Variants in SMG6 observed in about 807,000 individuals in gnomAD.
The protein encoded by SMG6 is SMG6 nonsense mediated mRNA decay factor, also known as telomerase-binding protein EST1A.
Under a neutral mutation model 142.2 loss-of-function variants are expected in SMG6, and 66 were observed. That is an observed-to-expected ratio of 0.46 (90% CI 0.38 to 0.57). The LOEUF (loss-of-function observed/expected upper bound fraction) is 0.57. Among genes scored for constraint, SMG6 ranks in the 20% least tolerant of loss-of-function variants. The pLI, the probability that SMG6 is intolerant of heterozygous loss-of-function variation, is 0.00. For synonymous variants in SMG6, 779 were observed against 702.4 expected (o/e 1.11, Z -1.72); for missense variants, 1,793 against 1,832.0 (o/e 0.98, Z 0.39).
chr17:2,134,030 G>C (rs1438326672), intron 13 of SMG6, among the ~76,000 whole-genome samples: 1 of 152,026 alleles, frequency 6.6e-6, no homozygotes, highest in Non-Finnish European at 1.5e-5. Context: ...GATGTAAGAG[G>C]ATAAAACTGT....
At chr17:2,232,574 C>G (rs2073528484) in intron 10 of SMG6, 1 of 152,262 alleles carries the variant, frequency 6.6e-6, no homozygotes, top group African/African-American at 2.4e-5. Flanking sequence ...CCAAGGCCCT[C>G]AAACGTCCCT....
chr17:2,127,352 C>A, intron 13 of SMG6: 1 of 537,188 alleles, frequency 1.9e-6, no homozygotes, highest in Non-Finnish European at 3.6e-6. Flanking sequence ...GTACTTAATG[C>A]CACTGAGTTG....
At chr17:2,103,969 T>TC (rs1385321010) in intron 13 of SMG6, among the ~76,000 whole-genome samples, 40 of 151,572 alleles carry the variant, frequency 2.6e-4, no homozygotes, top group Non-Finnish European at 1.0e-4. Flanking sequence ...TTTTTTTTTT[T>TC]CAGTTGGAAT....
chr17:2,079,244 G>T (rs375273184), intron 15 of SMG6, among the ~76,000 whole-genome samples: 1 of 152,226 alleles, frequency 6.6e-6, no homozygotes, highest in Admixed American at 6.5e-5. Context: ...CATTATAGGC[G>T]TGAGCCACCG....
At chr17:2,082,212 A>G in intron 14 of SMG6, 1 of 494,574 alleles carries the variant, frequency 2.0e-6, no homozygotes, top group Non-Finnish European at 3.7e-6. Context: ...GTCACTCGCA[A>G]TCACACATAT....
chr17:2,222,589 G>T (rs2073208580), intron 10 of SMG6, among the ~76,000 whole-genome samples: 1 of 123,562 alleles, frequency 8.1e-6, no homozygotes, highest in Admixed American at 1.0e-4. Context: ...GTCCATATAT[G>T]AAGGCCTTGT....
At chr17:2,289,048 C>T (rs1369125756) in intron 6 of SMG6, among the ~76,000 whole-genome samples, 2 of 146,488 alleles carry the variant, frequency 1.4e-5, no homozygotes, top group South Asian at 2.2e-4. Context: ...CACTGCACTC[C>T]AGCCTGGGCA....
intron 10 of SMG6, among the ~76,000 whole-genome samples, chr17:2,202,028 GA>G (rs58808149): frequency 0.25 from 36,705 of 148,708 alleles, 4,576 homozygotes; most frequent in Middle Eastern, 0.31. Context: ...CATCTCAAAG[GA>G]AAAAAAAAAG....
intron 13 of SMG6, among the ~76,000 whole-genome samples, chr17:2,143,937 G>C (rs926157219): frequency 6.6e-6 from 1 of 151,742 alleles, no homozygotes; most frequent in African/African-American, 2.4e-5. Context: ...ATCAGTTTTG[G>C]CTGCAAGTGG....
chr17:2,073,064 G>A (rs1271310455), intron 15 of SMG6: 3 of 152,204 alleles, frequency 2.0e-5, no homozygotes, highest in Non-Finnish European at 4.4e-5. Flanking sequence ...GAGGACTACT[G>A]ATGTGTTTTT....
chr17:2,276,755 C>G (rs1567739773), intron 8 of SMG6, among the ~76,000 whole-genome samples: 4 of 152,202 alleles, frequency 2.6e-5, no homozygotes, highest in African/African-American at 9.6e-5. Flanking sequence ...TAACCCTTCC[C>G]AAGTCCACTT....
intron 13 of SMG6, chr17:2,087,373 T>C (rs750086953): frequency 6.7e-6 from 8 of 1,193,584 alleles, no homozygotes; most frequent in Non-Finnish European, 8.5e-6. Flanking sequence ...ACCGGTCAAC[T>C]GTGTGCTCTG....
intron 10 of SMG6, among the ~76,000 whole-genome samples, chr17:2,221,554 T>C (rs1177023300): frequency 1.3e-5 from 2 of 152,138 alleles, no homozygotes; most frequent in Non-Finnish European, 2.9e-5. Flanking sequence ...AATACAACAG[T>C]AGATACCAAA....
At chr17:2,099,576 G>A (rs2068949911) in intron 13 of SMG6, among the ~76,000 whole-genome samples, 1 of 152,058 alleles carries the variant, frequency 6.6e-6, no homozygotes, top group African/African-American at 2.4e-5. Flanking sequence ...TTTGGGCTGA[G>A]GTAGAAAGCC....
chr17:2,215,850 T>TGAG (rs966958547), intron 10 of SMG6: 2 of 47,746 alleles, frequency 4.2e-5, no homozygotes, highest in Non-Finnish European at 7.9e-5. Flanking sequence ...GGGAGGGGAG[T>TGAG]GAGGGTGGGT....
intron 13 of SMG6, among the ~76,000 whole-genome samples, chr17:2,106,461 C>T (rs1482356448): frequency 6.6e-6 from 1 of 152,112 alleles, no homozygotes; most frequent in Non-Finnish European, 1.5e-5. Context: ...TACTACCATT[C>T]CTCGGTGACC....
intron 13 of SMG6, among the ~76,000 whole-genome samples, chr17:2,093,455 T>C (rs1199660412): frequency 1.3e-5 from 2 of 151,852 alleles, no homozygotes; most frequent in East Asian, 1.9e-4. Context: ...GGAATACATA[T>C]CAAATACTTA....
intron 12 of SMG6, 90 bp downstream of exon 12, chr17:2,186,573 G>C: frequency 6.9e-7 from 1 of 1,459,418 alleles, no homozygotes; most frequent in South Asian, 1.3e-5. Flanking sequence ...GCTGTGGGCA[G>C]AAAGAAACAG....
chr17:2,189,367 C>T (rs1211264329), intron 10 of SMG6, among the ~76,000 whole-genome samples: 1 of 152,138 alleles, frequency 6.6e-6, no homozygotes, highest in Non-Finnish European at 1.5e-5. Context: ...CATCACTGGC[C>T]TTCCCTGAAA....
Sources: allele counts gnomAD v4.1 joint callset (sites outside exome capture counted in the v4.1 genomes callset), GRCh38; gene constraint gnomAD v4.1.1; transcripts MANE v1.5; gene names NCBI Gene and HGNC (gene_info 2026-07-23, HGNC 2026-07-21).